Variants in CDKAL1 observed in about 807,000 individuals in gnomAD.
CDKAL1 encodes threonylcarbamoyladenosine tRNA methylthiotransferase.
A neutral mutation model predicts 68.2 loss-of-function variants in CDKAL1; 32 were observed. That is an observed-to-expected ratio of 0.47 (90% CI 0.35 to 0.63). The LOEUF is 0.63. Among genes scored for constraint, CDKAL1 ranks in the 30% least tolerant of loss-of-function variants. The probability of loss-of-function intolerance (pLI) is 0.00; values close to 1 mark genes in which losing one functional copy is unlikely to be tolerated. For synonymous variants in CDKAL1, 234 were observed against 244.3 expected, an observed-to-expected ratio of 0.96 and a Z score of 0.39; for missense variants, 606 against 696.7, an observed-to-expected ratio of 0.87 and a Z score of 1.47.
intron 9 of CDKAL1, among the ~76,000 whole-genome samples, chr6:20,908,440 A>G (rs1004636768): frequency 6.6e-6 from 1 of 152,256 alleles, no homozygotes; most frequent in East Asian, 1.9e-4. Context: ...AACAATTAAA[A>G]TGAATTCCTT....
chr6:20,786,782 A>G (rs1309146984), intron 8 of CDKAL1, among the ~76,000 whole-genome samples: 1 of 152,002 alleles, frequency 6.6e-6, no homozygotes. Flanking sequence ...CAGGTGAGCC[A>G]CCGCTCCCGG....
chr6:20,559,881 A>G (rs923843567), intron 4 of CDKAL1, among the ~76,000 whole-genome samples: 1 of 152,206 alleles, frequency 6.6e-6, no homozygotes, highest in African/African-American at 2.4e-5. Context: ...TTATTTAGAA[A>G]TAGCGTGTGT....
chr6:20,753,658 T>C (rs1774031246), intron 6 of CDKAL1, among the ~76,000 whole-genome samples: 1 of 152,230 alleles, frequency 6.6e-6, no homozygotes, highest in Admixed American at 6.5e-5. Flanking sequence ...TGTATTTCGT[T>C]GTATGCATAT....
intron 10 of CDKAL1, among the ~76,000 whole-genome samples, chr6:20,970,846 G>C (rs911343598): frequency 4.6e-5 from 7 of 151,980 alleles, no homozygotes; most frequent in African/African-American, 1.4e-4. Context: ...TCTGTTTTTT[G>C]TTTTGTTTTG....
chr6:20,856,140 A>T (rs972485810), intron 9 of CDKAL1, among the ~76,000 whole-genome samples: 5 of 152,186 alleles, frequency 3.3e-5, no homozygotes, highest in Admixed American at 6.5e-5. Flanking sequence ...AGAGGTGGAG[A>T]GAAATGCTGC....
intron 10 of CDKAL1, among the ~76,000 whole-genome samples, chr6:20,985,090 C>A (rs1022194221): frequency 1.3e-5 from 2 of 151,922 alleles, no homozygotes; most frequent in Non-Finnish European, 2.9e-5. Flanking sequence ...TTTTCAAATA[C>A]TTTTTTTTAG....
At chr6:20,730,843 CAA>C (rs34407999) in intron 5 of CDKAL1, among the ~76,000 whole-genome samples, 218 of 116,234 alleles carry the variant, frequency 1.9e-3, no homozygotes, top group African/African-American at 5.5e-3. Flanking sequence ...GACTCCGTCT[CAA>C]AAAAAAAAAA....
At chr6:20,612,985 A>G (rs13200415) in intron 4 of CDKAL1, among the ~76,000 whole-genome samples, 9,587 of 128,424 alleles carry the variant, frequency 0.075, 424 homozygotes, top group African/African-American at 0.14. Flanking sequence ...CATTGTTGCA[A>G]TTTCTACACA....
intron 6 of CDKAL1, among the ~76,000 whole-genome samples, chr6:20,741,384 G>A (rs769085889): frequency 1.3e-5 from 2 of 151,914 alleles, no homozygotes; most frequent in Non-Finnish European, 2.9e-5. Flanking sequence ...GGTTAAACAC[G>A]CGTCTGTTGT....
intron 4 of CDKAL1, among the ~76,000 whole-genome samples, chr6:20,614,519 T>C (rs1766794638): frequency 6.6e-6 from 1 of 152,184 alleles, no homozygotes; most frequent in African/African-American, 2.4e-5. Flanking sequence ...ACTAAATGTA[T>C]TTGTATTCCT....
At chr6:21,094,810 AGTT>A (rs1409179102) in intron 12 of CDKAL1, among the ~76,000 whole-genome samples, 1 of 152,246 alleles carries the variant, frequency 6.6e-6, no homozygotes, top group Non-Finnish European at 1.5e-5. Context: ...ATTAAAATAT[AGTT>A]ATTACAGTTT....
Position 20,991,862 on chromosome 6 carries a change from A to G in CDKAL1, c.910-8365A>G, listed in dbSNP as rs1207904366. 2.0e-5 allele frequency among the ~76,000 whole-genome samples: 3 copies of G among 151,486 alleles called. No homozygotes were observed. The East Asian group carries it at 5.8e-4, about 29-fold the overall frequency. ...GAGACCCTGTCTCTTTAAAAAAAAA[A>G]AAAAGTTTAAAATGGTAAATTGTAT... On this transcript the variant is annotated intron_variant, in intron 10 of 15. Coordinates refer to ENST00000274695, the MANE Select transcript of CDKAL1 (RefSeq NM_017774.3).
Position 21,201,228 on chromosome 6 carries a change from C to T in CDKAL1, c.1502C>T (p.Ser501Phe), listed in dbSNP as rs369446835. The change falls in exon 15 of 16, where the codon TCC (serine) becomes TTC (phenylalanine). Residue 501 changes from serine to phenylalanine, a missense_variant. Ser to Phe is a radical substitution (Grantham distance 155). Transcript: ENST00000274695. Reference protein sequence around the residue: ...PVSDAKVYTPSISKPLAKGEV... With the variant: ...PVSDAKVYTPFISKPLAKGEV... ...TCTGATGCCAAAGTGTACACGCCCT[C>T]CATCAGCAAACCGCTAGCAAAGGGA... 2.2e-5 allele frequency: 35 copies of T among 1,611,996 alleles called. No individual in the cohort carries two copies. The African/African-American group carries it at 3.9e-4, about 18-fold the overall frequency.
chr6:20,738,451 A>G (rs1773294097), intron 5 of CDKAL1, among the ~76,000 whole-genome samples: 1 of 146,544 alleles, frequency 6.8e-6, no homozygotes. Flanking sequence ...ATAGCCATAT[A>G]TGTATACTTT....
chr6:20,985,333 G>A (rs1237098266), intron 10 of CDKAL1, among the ~76,000 whole-genome samples: 1 of 152,022 alleles, frequency 6.6e-6, no homozygotes, highest in Non-Finnish European at 1.5e-5. Context: ...CACTCTTGTT[G>A]CCCAGGCTGG....
At chr6:20,735,537 T>G (rs1773154181) in intron 5 of CDKAL1, among the ~76,000 whole-genome samples, 1 of 152,200 alleles carries the variant, frequency 6.6e-6, no homozygotes, top group South Asian at 2.1e-4. Flanking sequence ...TCCCGTGATA[T>G]GTGAGTATTA....
At chr6:20,883,345 TCC>T (rs1760915461) in intron 9 of CDKAL1, among the ~76,000 whole-genome samples, 2 of 152,196 alleles carry the variant, frequency 1.3e-5, no homozygotes, top group Admixed American at 1.3e-4. Flanking sequence ...AGATGCCCCT[TCC>T]CCACATATGG....
chr6:20,810,693 TATTC>T (rs1463889616), intron 8 of CDKAL1, among the ~76,000 whole-genome samples: 3 of 151,100 alleles, frequency 2.0e-5, no homozygotes, highest in African/African-American at 4.9e-5. Context: ...AAAAAGTGTT[TATTC>T]ATTCTCTCTC....
At chr6:20,807,937 A>AT (rs1776642749) in intron 8 of CDKAL1, among the ~76,000 whole-genome samples, 1 of 152,258 alleles carries the variant, frequency 6.6e-6, no homozygotes, top group African/African-American at 2.4e-5. Flanking sequence ...CCTAATCTTC[A>AT]TTGGGATTGA....
Sources: allele counts gnomAD v4.1 joint callset (sites outside exome capture counted in the v4.1 genomes callset), GRCh38; gene constraint gnomAD v4.1.1; transcripts MANE v1.5; gene names NCBI Gene and HGNC (gene_info 2026-07-23, HGNC 2026-07-21).